Variants in DOCK4 observed in about 807,000 individuals in gnomAD.
DOCK4 encodes dedicator of cytokinesis protein 4.
Under a neutral mutation model 268.1 loss-of-function variants are expected in DOCK4, and 97 were observed. That is an observed-to-expected ratio of 0.36 (90% CI 0.31 to 0.43). The LOEUF (loss-of-function observed/expected upper bound fraction) is 0.43. DOCK4 is among the 20% of genes least tolerant of loss of function. The probability of loss-of-function intolerance (pLI) is 1.00; values close to 1 mark genes in which losing one functional copy is unlikely to be tolerated. For missense variants in DOCK4, 2,145 were observed against 2,455.7 expected, an observed-to-expected ratio of 0.87 and a Z score of 2.67; for synonymous variants, 954 against 887.2, an observed-to-expected ratio of 1.08 and a Z score of -1.34.
intron 1 of DOCK4, among the ~76,000 whole-genome samples, chr7:112,049,773 A>T (rs912964366): frequency 2.0e-5 from 3 of 152,218 alleles, no homozygotes; most frequent in Non-Finnish European, 2.9e-5. Context: ...TTATTGCACA[A>T]TGATAAAATC....
At chr7:111,945,084 G>A (rs1055068922) in intron 9 of DOCK4, among the ~76,000 whole-genome samples, 5 of 152,204 alleles carry the variant, frequency 3.3e-5, no homozygotes, top group African/African-American at 1.2e-4. Context: ...TTAAAGAAGA[G>A]AGCACTGTTG....
At chr7:112,121,382 C>T (rs1209701486) in intron 1 of DOCK4, among the ~76,000 whole-genome samples, 2 of 152,220 alleles carry the variant, frequency 1.3e-5, no homozygotes, top group Admixed American at 1.3e-4. Flanking sequence ...TTCTGCGGAG[C>T]ACAGGCTCCT....
At chr7:111,923,138 G>A (rs935625116) in intron 12 of DOCK4, among the ~76,000 whole-genome samples, 3 of 152,108 alleles carry the variant, frequency 2.0e-5, no homozygotes, top group Non-Finnish European at 2.9e-5. Context: ...CAATCATTTA[G>A]ATACCATTTA....
At chr7:111,973,388 A>G (rs1562951179) in intron 8 of DOCK4, among the ~76,000 whole-genome samples, 1 of 151,922 alleles carries the variant, frequency 6.6e-6, no homozygotes, top group East Asian at 1.9e-4. Flanking sequence ...TAACTATACC[A>G]TCTTTTGTCC....
At chr7:111,842,495 A>G (rs1803777076) in intron 25 of DOCK4, among the ~76,000 whole-genome samples, 1 of 152,222 alleles carries the variant, frequency 6.6e-6, no homozygotes, top group Non-Finnish European at 1.5e-5. Flanking sequence ...GCAAAGGCTG[A>G]GTGAGGAGCC....
intron 1 of DOCK4, among the ~76,000 whole-genome samples, chr7:112,012,289 T>A (rs867936557): frequency 6.6e-6 from 1 of 151,950 alleles, no homozygotes; most frequent in African/African-American, 2.4e-5. Flanking sequence ...AGACGCAGGC[T>A]TAAGAACCTC....
intron 23 of DOCK4, among the ~76,000 whole-genome samples, chr7:111,853,326 C>T (rs755224692): frequency 9.2e-5 from 14 of 152,050 alleles, no homozygotes; most frequent in Non-Finnish European, 1.2e-4. Flanking sequence ...ATGGGCTGGA[C>T]GTGGGCACTG....
intron 12 of DOCK4, among the ~76,000 whole-genome samples, chr7:111,932,299 GGT>G (rs1164729882): frequency 6.6e-6 from 1 of 152,162 alleles, no homozygotes; most frequent in African/African-American, 2.4e-5. Flanking sequence ...ATGGTAGGAA[GGT>G]CAGGGACTAC....
chr7:111,982,017 T>A (rs946726173), intron 7 of DOCK4, among the ~76,000 whole-genome samples: 1 of 152,246 alleles, frequency 6.6e-6, no homozygotes, highest in African/African-American at 2.4e-5. Context: ...ATCTGATACC[T>A]GACATACTCA....
chr7:111,869,084 C>A (rs753407214), intron 21 of DOCK4, among the ~76,000 whole-genome samples: 30 of 152,152 alleles, frequency 2.0e-4, no homozygotes, highest in Non-Finnish European at 3.8e-4. Context: ...TCTCCACAGA[C>A]AACTGAGCAT....
intron 27 of DOCK4, chr7:111,820,358 T>C (rs1326154255): frequency 1.3e-5 from 2 of 152,234 alleles, no homozygotes; most frequent in African/African-American, 2.4e-5. Context: ...AGCACTCACA[T>C]GGGTGGCAAT....
chr7:111,951,155 A>G (rs1234137689), intron 8 of DOCK4, among the ~76,000 whole-genome samples: 1 of 152,216 alleles, frequency 6.6e-6, no homozygotes, highest in African/African-American at 2.4e-5. Context: ...TATTATTTAT[A>G]ACCTTTCTTC....
chr7:111,813,650 T>G (rs1801316798), intron 27 of DOCK4, among the ~76,000 whole-genome samples: 1 of 152,144 alleles, frequency 6.6e-6, no homozygotes, highest in Non-Finnish European at 1.5e-5. Flanking sequence ...GATCGAGAAG[T>G]CTTGTGGTTT....
intron 26 of DOCK4, among the ~76,000 whole-genome samples, chr7:111,831,673 G>A (rs776662543): frequency 1.2e-4 from 18 of 151,838 alleles, no homozygotes; most frequent in South Asian, 2.1e-4. Flanking sequence ...TTTTTATAGC[G>A]ACAGGGTCTT....
At chr7:111,986,694 G>A (rs965208537) in intron 6 of DOCK4, among the ~76,000 whole-genome samples, 3 of 152,172 alleles carry the variant, frequency 2.0e-5, no homozygotes, top group African/African-American at 7.2e-5. Context: ...ACATCGTGTT[G>A]TAGGACTGTA....
chr7:111,803,885 C>G (rs944929903), intron 30 of DOCK4, among the ~76,000 whole-genome samples: 6 of 152,148 alleles, frequency 3.9e-5, no homozygotes, highest in African/African-American at 1.4e-4. Context: ...TTTACCAAAA[C>G]TGCAAATGAG....
At chr7:111,961,974 T>C (rs1200872615) in intron 8 of DOCK4, among the ~76,000 whole-genome samples, 3 of 152,210 alleles carry the variant, frequency 2.0e-5, no homozygotes, top group Non-Finnish European at 2.9e-5. Flanking sequence ...ATATATACTA[T>C]ATGCTAGAAG....
chr7:111,906,799 A>C (rs1196035119), intron 13 of DOCK4, among the ~76,000 whole-genome samples: 1 of 152,172 alleles, frequency 6.6e-6, no homozygotes. Context: ...TGAGCCAAGG[A>C]GTGCAGGCAG....
At chr7:112,072,740 C>T (rs1166129045) in intron 1 of DOCK4, among the ~76,000 whole-genome samples, 3 of 152,184 alleles carry the variant, frequency 2.0e-5, no homozygotes, top group East Asian at 1.9e-4. Context: ...GATAGCAACA[C>T]CTGAAACTGG....
Sources: gnomAD v4.1 joint callset for allele counts (sites outside exome capture counted in the v4.1 genomes callset) on GRCh38, gnomAD v4.1.1 for gene constraint, MANE v1.5 for transcripts, NCBI Gene and HGNC (gene_info 2026-07-23, HGNC 2026-07-21) for gene names.